Variants in PKD2 observed in about 807,000 individuals in gnomAD.
PKD2 encodes polycystin 2, transient receptor potential cation channel, also known as polycystin-2.
A neutral mutation model predicts 105.9 loss-of-function variants in PKD2; 48 were observed. The observed-to-expected ratio is 0.45, with a 90% CI of 0.36 to 0.58. The LOEUF is 0.58. PKD2 is among the 20% of genes least tolerant of loss of function. The probability of loss-of-function intolerance (pLI) is 0.00; values close to 1 mark genes in which losing one functional copy is unlikely to be tolerated. For synonymous variants in PKD2, 464 were observed against 481.1 expected, an observed-to-expected ratio of 0.96 and a Z score of 0.46; for missense variants, 1,078 against 1,255.3, an observed-to-expected ratio of 0.86 and a Z score of 2.13.
chr4:88,076,406 G>C lies in PKD2; in HGVS notation c.*712G>C, dbSNP rs1721236725. 1 of 152,184 alleles carries C rather than the reference G, an allele frequency of 6.6e-6. No homozygotes were observed. Among genetic ancestry groups the C allele is most frequent in the Non-Finnish European group, 1.5e-5 (1 of 68,062 alleles). 9.4% of individuals were successfully genotyped at this position (152,184 alleles called of 1,614,324 possible). A position where few individuals can be genotyped will look rare whatever the true frequency, so the allele number is the denominator to read the frequency against. ...CAAAGATCAGTTATAGGATAAAATG[G>C]CATCTCTAACCATAACACAGGAGAA... is the stretch of plus-strand genomic sequence containing the variant. On this transcript the variant is annotated 3_prime_UTR_variant, in exon 15 of 15. Transcript: ENST00000237596.
In PKD2 at chr4:88,014,229, G is replaced by A. The variant is rs1203399796; in HGVS notation, c.596-5229G>A. Among the ~76,000 whole-genome samples the A allele has an allele frequency of 3.3e-5, 5 of 152,334 alleles. No individual in the cohort carries two copies. The South Asian group carries it at 8.3e-4, about 25-fold the overall frequency. On this transcript the variant is annotated intron_variant, in intron 1 of 14. Coordinates refer to ENST00000237596, the MANE Select transcript of PKD2 (RefSeq NM_000297.4). The stretch of plus-strand genomic sequence containing the variant: ...GTACCATTAACCCAAACAGAAAGAG[G>A]AGATTTCCAGAGAAAGAAAAGCAAA...
At chr4:88,010,774 G>T (rs1726357499) in intron 1 of PKD2, among the ~76,000 whole-genome samples, 1 of 152,180 alleles carries the variant, frequency 6.6e-6, no homozygotes, top group Admixed American at 6.5e-5. Flanking sequence ...GTTGTTTAAT[G>T]ACATGAATCC....
intron 2 of PKD2, among the ~76,000 whole-genome samples, chr4:88,028,810 A>G (rs945575169): frequency 2.6e-5 from 4 of 152,222 alleles, no homozygotes; most frequent in Non-Finnish European, 2.9e-5. Flanking sequence ...TAAAGTAAAA[A>G]AATCAGTAAG....
At chr4:88,015,554 A>T (rs1290412498) in intron 1 of PKD2, among the ~76,000 whole-genome samples, 1 of 152,072 alleles carries the variant, frequency 6.6e-6, no homozygotes, top group East Asian at 1.9e-4. Context: ...CTGGGACTAC[A>T]GCCTCCCGAG....
intron 5 of PKD2, among the ~76,000 whole-genome samples, chr4:88,046,029 C>G (rs1033196987): frequency 2.6e-5 from 4 of 152,068 alleles, no homozygotes; most frequent in Admixed American, 1.3e-4. Flanking sequence ...GTGGCTCCTT[C>G]CTGTAATTCC....
chr4:88,023,887 A>G (rs1368487938), intron 2 of PKD2, among the ~76,000 whole-genome samples: 3 of 152,188 alleles, frequency 2.0e-5, no homozygotes, highest in Non-Finnish European at 4.4e-5. Context: ...CTGCTCACCA[A>G]GAGCTTATTT....
rs146529930 is a variant in PKD2 at position 88,025,726 on chromosome 4, G to A, written c.709+6155G>A. 2.5e-3 allele frequency among the ~76,000 whole-genome samples: 379 copies of A among 152,236 alleles called. 3 individuals carry two copies. Among genetic ancestry groups the A allele is most frequent in the African/African-American group, 8.6e-3 (357 of 41,534 alleles). ...GATCTCATCTCCAATTGTAATCCCC[G>A]TGTATTGACGGAGGTTCCTGGTAGG... is the stretch of plus-strand genomic sequence containing the variant. On this transcript the variant is annotated intron_variant, in intron 2 of 14. Transcript: ENST00000237596.
chr4:88,028,747 T>C (rs1233199354), intron 2 of PKD2, among the ~76,000 whole-genome samples: 1 of 152,204 alleles, frequency 6.6e-6, no homozygotes, highest in African/African-American at 2.4e-5. Flanking sequence ...AAGATCAAAA[T>C]TCAAAATTCT....
intron 7 of PKD2, among the ~76,000 whole-genome samples, chr4:88,054,534 G>A (rs1192457250): frequency 6.6e-6 from 1 of 151,810 alleles, no homozygotes; most frequent in Non-Finnish European, 1.5e-5. Flanking sequence ...AACTTCTAGA[G>A]ATTTTCCTAC....
intron 1 of PKD2, among the ~76,000 whole-genome samples, chr4:88,015,246 C>T (rs1165473558): frequency 6.6e-6 from 1 of 152,120 alleles, no homozygotes; most frequent in Non-Finnish European, 1.5e-5. Flanking sequence ...GAGCAGCAGG[C>T]TAGTGAGCAT....
intron 13 of PKD2, among the ~76,000 whole-genome samples, chr4:88,070,601 T>TATATATATATAG (rs1313482750): frequency 2.0e-4 from 18 of 91,480 alleles, no homozygotes; most frequent in Non-Finnish European, 3.1e-4. Flanking sequence ...TATATATATA[T>TATATATATATAG]AGAGAGAGAG....
At chr4:88,019,424 G>T in intron 1 of PKD2, 34 bp from the exon 2 acceptor site, 3 of 1,070,524 alleles carry the variant, frequency 2.8e-6, no homozygotes, top group Non-Finnish European at 4.3e-6. Context: ...TAAATAAAAT[G>T]ATATCTTTTC....
At chr4:88,024,507 GAAA>G (rs1321116601) in intron 2 of PKD2, among the ~76,000 whole-genome samples, 1 of 79,746 alleles carries the variant, frequency 1.3e-5, no homozygotes, top group Non-Finnish European at 2.8e-5. Context: ...AGGAAGGAAA[GAAA>G]AAAAAAGGAA....
intron 11 of PKD2, 119 bp downstream of exon 11, chr4:88,065,614 G>GGC: frequency 8.4e-7 from 1 of 1,183,716 alleles, no homozygotes; most frequent in South Asian, 1.3e-5. Flanking sequence ...TTTTTCCAGA[G>GGC]GCAGGTATCT....
chr4:88,063,172 T>C (rs544936419), intron 10 of PKD2, among the ~76,000 whole-genome samples: 3 of 152,216 alleles, frequency 2.0e-5, no homozygotes, highest in Admixed American at 6.5e-5. Context: ...TGCTATCCAA[T>C]TCACAAACAA....
At chr4:88,071,904 G>A (rs1167089049) in intron 13 of PKD2, among the ~76,000 whole-genome samples, 1 of 151,328 alleles carries the variant, frequency 6.6e-6, no homozygotes, top group Non-Finnish European at 1.5e-5. Flanking sequence ...AATGCCTTGG[G>A]ATGTAATTTG....
chr4:88,013,627 G>C (rs1299234213), intron 1 of PKD2, among the ~76,000 whole-genome samples: 2 of 152,038 alleles, frequency 1.3e-5, no homozygotes, highest in East Asian at 3.9e-4. Flanking sequence ...ACCTGAGCCT[G>C]GGAGATTGAG....
At chr4:88,009,770 T>C (rs943321030) in intron 1 of PKD2, among the ~76,000 whole-genome samples, 3 of 152,210 alleles carry the variant, frequency 2.0e-5, no homozygotes, top group Admixed American at 6.5e-5. Flanking sequence ...ATTAATTATG[T>C]TATTTTACAC....
At chr4:88,043,506 A>C in intron 5 of PKD2, 49 bp downstream of exon 5, 2 of 1,340,402 alleles carry the variant, frequency 1.5e-6, no homozygotes, top group South Asian at 2.3e-5. Flanking sequence ...GGTTGTACAT[A>C]CATCCTATTC....
Sources: gnomAD v4.1 joint callset for allele counts (sites outside exome capture counted in the v4.1 genomes callset) on GRCh38, gnomAD v4.1.1 for gene constraint, MANE v1.5 for transcripts, NCBI Gene and HGNC (gene_info 2026-07-23, HGNC 2026-07-21) for gene names.